The following FBLN1 variants were observed in gnomAD, a reference collection of about 807,000 sequenced individuals.
The protein encoded by FBLN1 is fibulin 1, also known as fibulin-1.
A neutral mutation model predicts 89.7 loss-of-function variants in FBLN1; 34 were observed. That is an observed-to-expected ratio of 0.38 (90% CI 0.29 to 0.50). The LOEUF (loss-of-function observed/expected upper bound fraction) is 0.50, where lower values mean the gene tolerates loss of function less well. Ranked by LOEUF, FBLN1 falls within the 20% of genes least tolerant of loss-of-function variation. The pLI, the probability that FBLN1 is intolerant of heterozygous loss-of-function variation, is 0.92. For synonymous variants in FBLN1, 393 were observed against 391.3 expected (o/e 1.00, Z -0.05); for missense variants, 777 against 988.1 (o/e 0.79, Z 2.86).
In FBLN1 at chr22:45,542,287, C is replaced by A; in HGVS notation, c.1195+4C>A. The A allele has an allele frequency of 4.3e-6, 7 of 1,613,644 alleles. No individual in the cohort carries two copies. Among genetic ancestry groups the A allele is most frequent in the Non-Finnish European group, 5.9e-6 (7 of 1,180,022 alleles). ...GGCATCAGCAGGATGTGTGTCGGTG[C>A]GTGGGGGGCCCCGCAGGCCTCGGGG... is the stretch of plus-strand genomic sequence containing the variant. On this transcript the variant is annotated splice_donor_region_variant and intron_variant, in intron 10 of 16. Coordinates refer to ENST00000327858, the MANE Select transcript of FBLN1 (RefSeq NM_006486.3).
Position 45,537,463 on chromosome 22 carries a change from A to G in FBLN1, c.922+2126A>G, listed in dbSNP as rs889072625. Among the ~76,000 whole-genome samples the G allele has an allele frequency of 6.6e-6, 1 of 152,142 alleles. No individual in the cohort carries two copies. The highest frequency in any genetic ancestry group is 6.5e-5 in the Admixed American group (1 of 15,274). On this transcript the variant is annotated intron_variant, in intron 8 of 16. Coordinates refer to ENST00000327858, the MANE Select transcript of FBLN1 (RefSeq NM_006486.3). The surrounding 1 kb of genome is among the most constrained non-coding windows in gnomAD (Gnocchi z 5.7). The stretch of plus-strand genomic sequence containing the variant: ...GTGAAACCCCGTCTCTACTAAAAAT[A>G]CAAAAATTAGCCGGGTGTGGTGGTG...
chr22:45,550,706 C>T lies in FBLN1; in HGVS notation c.1697+91C>T. ...GGTGGGTGGGTTATCAGGCTGTGAC[C>T]TCGGTGTCCTCCCATGAGGGACTCA... On this transcript the variant is annotated intron_variant, in intron 14 of 16. Coordinates refer to ENST00000327858, the MANE Select transcript of FBLN1 (RefSeq NM_006486.3). This position sits in a 1 kb window ranked among gnomAD's most constrained non-coding sequence, Gnocchi z 8.4. The T allele has an allele frequency of 6.3e-7, 1 of 1,578,278 alleles. No individual in the cohort carries two copies. Among genetic ancestry groups the T allele is most frequent in the Non-Finnish European group, 8.7e-7 (1 of 1,149,692 alleles).
chr22:45,548,810 G>C, intron 13 of FBLN1, 66 bp downstream of exon 13: 2 of 1,600,572 alleles, frequency 1.2e-6, no homozygotes, highest in African/African-American at 2.7e-5. Context: ...TCGTGGGGCT[G>C]AGGCTGGGCT....
rs136758 is a variant in FBLN1, at chr22:45,541,498, C to T, written c.1066+126C>T. On this transcript the variant is annotated intron_variant, in intron 9 of 16. Coordinates refer to ENST00000327858, the MANE Select transcript of FBLN1 (RefSeq NM_006486.3). ...CATTTCTATCAGCCCATCCATCCCA[C>T]TGTCAGTTCCCAAGCATGGGGCTTC... The T allele has an allele frequency of 0.39, 463,989 of 1,204,042 alleles. 93,306 individuals are homozygous for T. The highest frequency in any genetic ancestry group is 0.46 in the Middle Eastern group (1,730 of 3,776). The allele number at this position is 1,204,042 out of a possible 1,614,324, so 74.6% of individuals were successfully genotyped here.
chr22:45,547,326 A>G (rs1474318071), intron 12 of FBLN1, 122 bp downstream of exon 12: 1 of 1,303,736 alleles, frequency 7.7e-7, no homozygotes, highest in Admixed American at 1.9e-5. Context: ...TCACCTGACA[A>G]ACCTTCCATG....
At chr22:45,511,395 C>T (rs1477001280) in intron 1 of FBLN1, among the ~76,000 whole-genome samples, 2 of 151,250 alleles carry the variant, frequency 1.3e-5, no homozygotes, top group Non-Finnish European at 2.9e-5. Context: ...CTCAGGTGAT[C>T]CACCTGCCTC....
At chr22:45,585,648 T>C (rs2089078767) in intron 16 of FBLN1, among the ~76,000 whole-genome samples, 2 of 152,278 alleles carry the variant, frequency 1.3e-5, no homozygotes, top group Admixed American at 6.5e-5. Flanking sequence ...TTTCCCAGGG[T>C]GCTGGGCCCG....
At chr22:45,594,842 C>G (rs763103) in intron 16 of FBLN1, among the ~76,000 whole-genome samples, 47,064 of 147,972 alleles carry the variant, frequency 0.32, 10,368 homozygotes, top group African/African-American at 0.63. Context: ...TGATGGATTG[C>G]TGAGTGGGTG....
At chr22:45,528,396 G>T (rs1286225433) in intron 4 of FBLN1, among the ~76,000 whole-genome samples, 1 of 151,980 alleles carries the variant, frequency 6.6e-6, no homozygotes, top group Non-Finnish European at 1.5e-5. Context: ...CTGGAGTGCA[G>T]TGCAGTGGTG....
At chr22:45,592,634 A>G (rs942272065) in intron 16 of FBLN1, among the ~76,000 whole-genome samples, 3 of 152,122 alleles carry the variant, frequency 2.0e-5, no homozygotes. Flanking sequence ...GGCCGCACAT[A>G]TTCTCAACGT....
chr22:45,546,430 G>A (rs2088628874), intron 11 of FBLN1, among the ~76,000 whole-genome samples: 2 of 152,174 alleles, frequency 1.3e-5, no homozygotes, highest in African/African-American at 4.8e-5. Context: ...TGGCCAGGCT[G>A]GTCTCGAACC....
intron 6 of FBLN1, 34 bp from the exon 7 acceptor site, chr22:45,533,727 C>T (rs1396516302): frequency 3.7e-6 from 6 of 1,605,322 alleles, no homozygotes; most frequent in Non-Finnish European, 5.1e-6. Flanking sequence ...GTCGTTCTTG[C>T]TGGTCACCCC....
rs2088470092 is a variant in FBLN1, at chr22:45,535,334, A to G, written c.919A>G (p.Ile307Val). 1 of 1,614,040 alleles carries G rather than the reference A, an allele frequency of 6.2e-7. No individual in the cohort carries two copies. Among genetic ancestry groups the G allele is most frequent in the African/African-American group, 1.3e-5 (1 of 74,938 alleles). The change falls in exon 8 of 17, where the codon ATT becomes GTT. Residue 307 changes from isoleucine to valine, a missense_variant. Ile to Val is a conservative substitution (Grantham distance 29). Transcript: ENST00000327858. ...GFIQDALGNC[I>V]DINECLSISA... ...TATACAAGATGCTCTAGGCAACTGT[A>G]TTGGTAAGAGGTGTGCCGCCAGGAT...
chr22:45,545,464 G>A lies in FBLN1; in HGVS notation c.1322-1621G>A, dbSNP rs1345139316. On this transcript the variant is annotated intron_variant, in intron 11 of 16. Coordinates refer to ENST00000327858, the MANE Select transcript of FBLN1 (RefSeq NM_006486.3). The surrounding 1 kb of genome is among the most constrained non-coding windows in gnomAD (Gnocchi z 5.9). The stretch of plus-strand genomic sequence containing the variant: ...ATTTAGTAGAAGTAGTGGGATTCCT[G>A]GCTTGTGCTTCCTCTAGTCATTCAT... 6.6e-6 allele frequency among the ~76,000 whole-genome samples: 1 copy of A among 152,182 alleles called. No homozygotes were observed. The highest frequency in any genetic ancestry group is 1.5e-5 in the Non-Finnish European group (1 of 68,038).
At position 45,547,186 on chromosome 22, in the gene FBLN1, G is replaced by C; in HGVS notation, c.1423G>C (p.Asp475His). The change falls in exon 12 of 17, where the codon GAT becomes CAT. Residue 475 changes from aspartate to histidine, a missense_variant. Physicochemically the swap from Asp to His is moderately conservative, Grantham distance 81. Transcript: ENST00000327858. ...CRRGYQLSDV[D>H]GVTCEDIDEC... Reference sequence around the variant, plus strand: ...GCGAGGCTACCAGCTCAGCGATGTGGATGGAGTCACCTGTGAAGGTGCGGA... The same window carrying C: ...GCGAGGCTACCAGCTCAGCGATGTGCATGGAGTCACCTGTGAAGGTGCGGA... 6.2e-7 allele frequency: 1 copy of C among 1,614,034 alleles called. No homozygotes were observed. The highest frequency in any genetic ancestry group is 8.5e-7 in the Non-Finnish European group (1 of 1,180,022).
intron 14 of FBLN1, among the ~76,000 whole-genome samples, chr22:45,573,019 G>C (rs1365252934): frequency 1.3e-5 from 2 of 152,034 alleles, no homozygotes; most frequent in Non-Finnish European, 2.9e-5. Context: ...CTGAGGTCAG[G>C]AGTTCAAGAC....
chr22:45,574,484 A>G lies in FBLN1; in HGVS notation c.1698-27A>G. The G allele has an allele frequency of 6.2e-7, 1 of 1,613,970 alleles. No individual in the cohort carries two copies. The highest frequency in any genetic ancestry group is 8.5e-7 in the Non-Finnish European group (1 of 1,180,014). On this transcript the variant is annotated intron_variant, in intron 14 of 16. Transcript: ENST00000327858. The surrounding 1 kb of genome is among the most constrained non-coding windows in gnomAD (Gnocchi z 4.1). ...GAGCTGCTGTCCCAGCTTCCCCGTC[A>G]GCCTCGTGTGCTGTGGTTCCCCTCA... is the stretch of plus-strand genomic sequence containing the variant.
chr22:45,510,118 T>G (rs2088079292), intron 1 of FBLN1, among the ~76,000 whole-genome samples: 2 of 152,088 alleles, frequency 1.3e-5, no homozygotes, highest in South Asian at 2.1e-4. Flanking sequence ...ATTTGCCCGA[T>G]GAGGATATTA....
chr22:45,574,654 G>A lies in FBLN1; in HGVS notation c.1840+1G>A, dbSNP rs113200763. The A allele has an allele frequency of 6.2e-7, 1 of 1,613,368 alleles. No individual in the cohort carries two copies. The highest frequency in any genetic ancestry group is 8.5e-7 in the Non-Finnish European group (1 of 1,179,880). On this transcript the variant is annotated splice_donor_variant, in intron 15 of 16. Transcript: ENST00000327858. LOFTEE classifies it high-confidence loss of function. The surrounding 1 kb of genome is among the most constrained non-coding windows in gnomAD (Gnocchi z 4.1). Reference sequence around the variant, plus strand: ...TTCCGCGAGTTCACCCGCCCTGAAGGTGAGTGGGATGGGTGTGGGGGTCCC... The same window carrying A: ...TTCCGCGAGTTCACCCGCCCTGAAGATGAGTGGGATGGGTGTGGGGGTCCC...
Sources: allele counts gnomAD v4.1 joint callset (sites outside exome capture counted in the v4.1 genomes callset), GRCh38; gene constraint gnomAD v4.1.1; non-coding constraint Gnocchi (gnomAD v3.1); transcripts MANE v1.5; gene names NCBI Gene and HGNC (gene_info 2026-07-23, HGNC 2026-07-21).